The following LINS1 variants were observed in gnomAD, a reference collection of about 807,000 sequenced individuals.
LINS1 encodes the protein lines homolog 1.
LINS1 carries 27 observed loss-of-function variants against 41.6 expected under a neutral mutation model. That is an observed-to-expected ratio of 0.65 (90% confidence interval 0.48 to 0.89). LINS1 has a LOEUF of 0.89. Among genes scored for constraint, LINS1 ranks in the 40% least tolerant of loss-of-function variants. LINS1 has a pLI of 0.00. For missense variants in LINS1, 955 were observed against 884.1 expected (o/e 1.08, Z -1.02); for synonymous variants, 336 against 312.9 (o/e 1.07, Z -0.78).
chr15:100,600,424 G>C (rs1259775618), intron 1 of LINS1, among the ~76,000 whole-genome samples: 3 of 151,876 alleles, frequency 2.0e-5, no homozygotes, highest in Non-Finnish European at 4.4e-5. Flanking sequence ...ATTCTGATTT[G>C]GCCTGGTCTG....
chr15:100,599,307 A>G (rs1329517500), intron 1 of LINS1, among the ~76,000 whole-genome samples: 1 of 152,254 alleles, frequency 6.6e-6, no homozygotes, highest in African/African-American at 2.4e-5. Flanking sequence ...AAAGTTATAA[A>G]AATTAGCAAA....
At chr15:100,597,780 A>G (rs1309351977) in intron 1 of LINS1, among the ~76,000 whole-genome samples, 4 of 152,158 alleles carry the variant, frequency 2.6e-5, no homozygotes, top group Admixed American at 2.0e-4. Context: ...GCGTTGAGGA[A>G]CTGTCTATAG....
chr15:100,575,965 T>C (rs1332416345), intron 3 of LINS1, among the ~76,000 whole-genome samples: 2 of 152,202 alleles, frequency 1.3e-5, no homozygotes, highest in African/African-American at 4.8e-5. Flanking sequence ...AAAGATGTTC[T>C]TTGAAACCAA....
At chr15:100,597,756 C>T (rs2039308893) in intron 1 of LINS1, among the ~76,000 whole-genome samples, 1 of 152,224 alleles carries the variant, frequency 6.6e-6, no homozygotes, top group South Asian at 2.1e-4. Context: ...AAACCCGCCA[C>T]CAGTGGCAGG....
intron 1 of LINS1, among the ~76,000 whole-genome samples, chr15:100,589,913 C>G (rs2038960837): frequency 6.6e-6 from 1 of 152,220 alleles, no homozygotes; most frequent in South Asian, 2.1e-4. Context: ...TGAGGACAAT[C>G]AACCCCTTCA....
intron 1 of LINS1, among the ~76,000 whole-genome samples, chr15:100,585,764 ACTAAGT>A (rs747698203): frequency 1.4e-5 from 2 of 143,984 alleles, no homozygotes; most frequent in Non-Finnish European, 2.9e-5. Context: ...TCATACATTA[ACTAAGT>A]CTAAGCAATT....
intron 3 of LINS1, among the ~76,000 whole-genome samples, chr15:100,579,550 G>A (rs953957829): frequency 5.3e-5 from 8 of 151,450 alleles, no homozygotes; most frequent in Non-Finnish European, 1.2e-4. Flanking sequence ...ATTTTAATTT[G>A]CTCTTTATAC....
rs2038013794 is a variant in LINS1 at position 100,574,114 on chromosome 15, C to G, written c.759G>C (p.Leu253=). 1 of 1,614,016 alleles carries G rather than the reference C, an allele frequency of 6.2e-7. No individual in the cohort carries two copies. Among genetic ancestry groups the G allele is most frequent in the Non-Finnish European group, 8.5e-7 (1 of 1,179,974 alleles). ...SKIVNILMCF[L]DLLELLIASR... ...AGGCGATGAGAAGCTCAAGCAAATC[C>G]AGGAAACACATCAGGATGTTTACTA... Residue 253 remains leucine (L), a synonymous_variant, in exon 5 of 7, where the codon CTG becomes CTC. Transcript: ENST00000314742.
intron 4 of LINS1, 121 bp from the exon 5 acceptor site, chr15:100,574,362 C>T: frequency 1.4e-6 from 1 of 706,060 alleles, no homozygotes; most frequent in Non-Finnish European, 2.4e-6. Flanking sequence ...ATGTTTACCT[C>T]TAACATTAAC....
At position 100,593,127 on chromosome 15, in the gene LINS1, C is replaced by G. The variant is rs545281632; in HGVS notation, c.-104+8994G>C. 9.2e-5 allele frequency among the ~76,000 whole-genome samples: 14 copies of G among 152,310 alleles called. No individual in the cohort carries two copies. The South Asian group carries it at 2.7e-3, about 29-fold the overall frequency. ...CTTCAGACAACAAGCTTTTAAGAGA[C>G]ACCAACAAACCCAAGTGTCTGACGG... is the stretch of plus-strand genomic sequence containing the variant. On this transcript the variant is annotated intron_variant, in intron 1 of 6. Coordinates refer to ENST00000314742, the MANE Select transcript of LINS1 (RefSeq NM_001040616.3).
At chr15:100,571,732 T>C (rs1435039886) in intron 6 of LINS1, among the ~76,000 whole-genome samples, 162 bp downstream of exon 6, 1 of 152,202 alleles carries the variant, frequency 6.6e-6, no homozygotes. Context: ...GCGATACAAA[T>C]GCAATCTCCT....
At chr15:100,573,596 A>T in intron 5 of LINS1, 55 bp downstream of exon 5, 1 of 1,071,886 alleles carries the variant, frequency 9.3e-7, no homozygotes, top group Non-Finnish European at 1.4e-6. Context: ...ATTATGAATT[A>T]CTGTACTTAA....
intron 6 of LINS1, chr15:100,570,670 A>C (rs1034686081): frequency 6.6e-6 from 1 of 152,638 alleles, no homozygotes; most frequent in Non-Finnish European, 1.5e-5. Context: ...ACTGTGAGAC[A>C]GAGAAAAATT....
intron 3 of LINS1, among the ~76,000 whole-genome samples, chr15:100,579,137 C>T (rs1033886183): frequency 6.6e-6 from 1 of 151,830 alleles, no homozygotes; most frequent in Non-Finnish European, 1.5e-5. Context: ...AACAAACCTG[C>T]ACGTTGTGCA....
At chr15:100,594,514 C>T (rs2039165795) in intron 1 of LINS1, among the ~76,000 whole-genome samples, 1 of 152,132 alleles carries the variant, frequency 6.6e-6, no homozygotes. Flanking sequence ...TGTTCCAGGA[C>T]TCTCTAAGGA....
chr15:100,578,311 C>G (rs1453273900), intron 3 of LINS1, among the ~76,000 whole-genome samples: 1 of 152,116 alleles, frequency 6.6e-6, no homozygotes, highest in Non-Finnish European at 1.5e-5. Context: ...CTACAAATAA[C>G]TCAAACAAAT....
intron 1 of LINS1, among the ~76,000 whole-genome samples, chr15:100,582,053 C>T (rs886760420): frequency 2.0e-5 from 3 of 152,278 alleles, no homozygotes; most frequent in Non-Finnish European, 4.4e-5. Context: ...CCATCTTCAA[C>T]TTCCAAAAGA....
rs1398128189 is a variant in LINS1, at chr15:100,567,842, C to A, written c.*1396G>T. 1.3e-5 allele frequency: 2 copies of A among 152,136 alleles called. No homozygotes were observed. The highest frequency in any genetic ancestry group is 3.9e-4 in the East Asian group (2 of 5,190). The allele number at this position is 152,136 out of a possible 1,614,324, so 9.4% of individuals were successfully genotyped here. A position where few individuals can be genotyped will look rare whatever the true frequency, so the allele number is the denominator to read the frequency against. On this transcript the variant is annotated 3_prime_UTR_variant, in exon 7 of 7. Coordinates refer to ENST00000314742, the MANE Select transcript of LINS1 (RefSeq NM_001040616.3). Reference sequence around the variant, plus strand: ...CTTCGCTGTTATTTTAATCGGCAACCTTCTATTTAGCTCCACTGATTTTTC... The same window carrying A: ...CTTCGCTGTTATTTTAATCGGCAACATTCTATTTAGCTCCACTGATTTTTC...
At position 100,587,157 on chromosome 15, in the gene LINS1, TAAAAAAAAAAAA is replaced by T. The variant is rs56781451; in HGVS notation, c.-103-6224_-103-6213del. The stretch of plus-strand genomic sequence containing the variant: ...CTGGCAATAGAGGGAGACTCTGTCT[TAAAAAAAAAAAA>T]AAAAAAAAAAAAACATTAGCAGTTT... On this transcript the variant is annotated intron_variant, in intron 1 of 6. Coordinates refer to ENST00000314742, the MANE Select transcript of LINS1 (RefSeq NM_001040616.3). 3.3e-3 allele frequency among the ~76,000 whole-genome samples: 227 copies of T among 68,282 alleles called. 1 individual carries two copies. Among genetic ancestry groups the T allele is most frequent in the African/African-American group, 0.012 (218 of 17,902 alleles). The allele number at this position is 68,282 out of a possible 152,430, so 44.8% of individuals were successfully genotyped here.
Sources: gnomAD v4.1 joint callset for allele counts (sites outside exome capture counted in the v4.1 genomes callset) on GRCh38, gnomAD v4.1.1 for gene constraint, MANE v1.5 for transcripts, NCBI Gene and HGNC (gene_info 2026-07-23, HGNC 2026-07-21) for gene names.